ZNF385D: variants seen among roughly 807,000 people sequenced by gnomAD.
The protein encoded by ZNF385D is zinc finger protein 659.
A neutral mutation model predicts 35.8 loss-of-function variants in ZNF385D; 15 were observed. The observed-to-expected ratio is 0.42, with a 90% confidence interval of 0.28 to 0.64. The LOEUF is 0.64. Among genes scored for constraint, ZNF385D ranks in the 30% least tolerant of loss-of-function variants. The probability of loss-of-function intolerance (pLI) is 0.23; values close to 1 mark genes in which losing one functional copy is unlikely to be tolerated. For synonymous variants in ZNF385D, 212 were observed against 186.8 expected (o/e 1.13, Z -1.10); for missense variants, 474 against 494.6 (o/e 0.96, Z 0.39).
At chr3:21,452,537 C>T (rs1702521811) in intron 4 of ZNF385D, among the ~76,000 whole-genome samples, 1 of 151,952 alleles carries the variant, frequency 6.6e-6, no homozygotes, top group Non-Finnish European at 1.5e-5. Context: ...AAAATATCCA[C>T]AAGAACCCCC....
intron 2 of ZNF385D, among the ~76,000 whole-genome samples, chr3:22,353,272 G>T (rs557431042): frequency 6.6e-6 from 1 of 152,304 alleles, no homozygotes; most frequent in South Asian, 2.1e-4. Flanking sequence ...GCCATGCCAA[G>T]TAACAGAAGC....
chr3:22,077,943 G>A (rs1700548290), intron 3 of ZNF385D, among the ~76,000 whole-genome samples: 1 of 151,960 alleles, frequency 6.6e-6, no homozygotes, highest in African/African-American at 2.4e-5. Context: ...TGGAGTATCT[G>A]CACTGATGGC....
chr3:21,690,432 A>T (rs1031121407), intron 1 of ZNF385D, among the ~76,000 whole-genome samples: 1 of 152,192 alleles, frequency 6.6e-6, no homozygotes, highest in African/African-American at 2.4e-5. Flanking sequence ...TTGATTAGGT[A>T]AAGTCCTGAT....
intron 3 of ZNF385D, among the ~76,000 whole-genome samples, chr3:21,820,900 T>C (rs558974169): frequency 6.7e-5 from 10 of 148,164 alleles, no homozygotes; most frequent in South Asian, 2.2e-4. Context: ...AAGTTAGTTT[T>C]GTGATTAAAA....
intron 2 of ZNF385D, among the ~76,000 whole-genome samples, chr3:21,641,136 T>C (rs373430256): frequency 1.2e-4 from 18 of 152,208 alleles, no homozygotes; most frequent in African/African-American, 4.1e-4. Context: ...TTTCCTGACG[T>C]GTTCTTGCTG....
At chr3:22,034,023 G>A (rs1698166063) in intron 3 of ZNF385D, among the ~76,000 whole-genome samples, 1 of 152,126 alleles carries the variant, frequency 6.6e-6, no homozygotes, top group Non-Finnish European at 1.5e-5. Flanking sequence ...CCTGCTTTCA[G>A]AGAACCCTGT....
rs565104922 is a variant in ZNF385D, at chr3:21,434,842, C to A, written c.673+2128G>T. 3.3e-5 allele frequency among the ~76,000 whole-genome samples: 5 copies of A among 152,110 alleles called. No individual in the cohort carries two copies. The South Asian group carries it at 1.0e-3, about 32-fold the overall frequency. On this transcript the variant is annotated intron_variant, in intron 5 of 7. Transcript: ENST00000281523. ...TACAGGGAAAAGGCAACCCAAGGAG[C>A]AGCTTAGAAAGAAGGCAAGTGGCCT...
intron 3 of ZNF385D, among the ~76,000 whole-genome samples, chr3:21,978,862 TCA>T (rs1694222433): frequency 6.6e-6 from 1 of 152,094 alleles, no homozygotes; most frequent in African/African-American, 2.4e-5. Flanking sequence ...ATAAAAATAT[TCA>T]CAAATATTCA....
chr3:21,528,250 C>A (rs1479701224), intron 3 of ZNF385D, among the ~76,000 whole-genome samples: 2 of 151,676 alleles, frequency 1.3e-5, no homozygotes, highest in African/African-American at 2.4e-5. Context: ...TCTTTTACAC[C>A]AGAAACTAAA....
At chr3:21,736,363 T>A (rs1338317594) in intron 1 of ZNF385D, among the ~76,000 whole-genome samples, 2 of 152,208 alleles carry the variant, frequency 1.3e-5, no homozygotes, top group African/African-American at 4.8e-5. Flanking sequence ...AAATAAAAAT[T>A]ATTTTTTTAA....
intron 2 of ZNF385D, among the ~76,000 whole-genome samples, chr3:21,636,413 T>TATAGAGAGAG (rs771464149): frequency 1.2e-4 from 3 of 25,636 alleles, no homozygotes; most frequent in African/African-American, 3.9e-4. Context: ...TATATATATA[T>TATAGAGAGAG]AGAGTTTCTT....
chr3:21,459,332 C>A (rs1046540453), intron 4 of ZNF385D: 1 of 151,964 alleles, frequency 6.6e-6, no homozygotes, highest in South Asian at 2.1e-4. Flanking sequence ...AATTACTAAC[C>A]TTTTTCCCAG....
chr3:21,653,325 A>G (rs1470526475), intron 2 of ZNF385D, among the ~76,000 whole-genome samples: 2 of 151,910 alleles, frequency 1.3e-5, no homozygotes, highest in Non-Finnish European at 2.9e-5. Context: ...TAAATGAAGT[A>G]TATCAGTTTC....
At chr3:22,104,320 G>C (rs866279297) in intron 3 of ZNF385D, among the ~76,000 whole-genome samples, 1 of 151,432 alleles carries the variant, frequency 6.6e-6, no homozygotes, top group African/African-American at 2.4e-5. Context: ...GCTACCAAAG[G>C]CTCCTTGAAA....
chr3:21,908,221 G>T (rs930300000), intron 3 of ZNF385D, among the ~76,000 whole-genome samples: 1 of 151,564 alleles, frequency 6.6e-6, no homozygotes, highest in African/African-American at 2.4e-5. Context: ...ATGAGACCAA[G>T]ATCCAAGGAA....
In ZNF385D at chr3:21,638,227, G is replaced by C. The variant is rs2065502227; in HGVS notation, c.165+26659C>G. On this transcript the variant is annotated intron_variant, in intron 2 of 7. Coordinates refer to ENST00000281523, the MANE Select transcript of ZNF385D (RefSeq NM_024697.3). ...ATACAGTTGAGACAGAATTCTCCAT[G>C]AATCTTATGTTTCTGCACTTCTGAG... Among the ~76,000 whole-genome samples, 3 of 151,990 alleles carry C rather than the reference G, an allele frequency of 2.0e-5. No homozygotes were observed. The South Asian group carries it at 6.2e-4, about 32-fold the overall frequency.
At chr3:21,771,855 A>C (rs993860296) in intron 3 of ZNF385D, among the ~76,000 whole-genome samples, 31 of 152,096 alleles carry the variant, frequency 2.0e-4, no homozygotes, top group Middle Eastern at 3.4e-3. Context: ...ACAGTATTCA[A>C]AATAGGGTGA....
intron 2 of ZNF385D, among the ~76,000 whole-genome samples, chr3:22,308,624 G>A (rs778751932): frequency 6.6e-6 from 1 of 151,876 alleles, no homozygotes; most frequent in Non-Finnish European, 1.5e-5. Flanking sequence ...CCACAACAGA[G>A]GCGGCATGAA....
intron 1 of ZNF385D, among the ~76,000 whole-genome samples, chr3:21,673,344 A>G (rs1559507649): frequency 6.6e-6 from 1 of 152,162 alleles, no homozygotes; most frequent in Non-Finnish European, 1.5e-5. Context: ...TACACTGCAC[A>G]TATAAAACAC....
Sources: gnomAD v4.1 joint callset for allele counts (sites outside exome capture counted in the v4.1 genomes callset) on GRCh38, gnomAD v4.1.1 for gene constraint, MANE v1.5 for transcripts, NCBI Gene and HGNC (gene_info 2026-07-23, HGNC 2026-07-21) for gene names.